Variants in SDK2 observed in about 807,000 individuals in gnomAD.
SDK2 encodes the protein protein sidekick-2.
SDK2 carries 105 observed loss-of-function variants against 253.9 expected under a neutral mutation model. The observed-to-expected ratio is 0.41, with a 90% CI of 0.35 to 0.49. SDK2 has a LOEUF of 0.49. SDK2 is among the 20% of genes least tolerant of loss of function. SDK2 has a pLI of 0.06. For missense variants in SDK2, 2,608 were observed against 3,003.0 expected (o/e 0.87, Z 3.07); for synonymous variants, 1,249 against 1,234.9 (o/e 1.01, Z -0.24).
At chr17:73,412,114 ATGTATACGTATATATGTGTATG>A (rs770403103) in intron 18 of SDK2, among the ~76,000 whole-genome samples, 23,732 of 100,116 alleles carry the variant, frequency 0.24, 2,977 homozygotes, top group African/African-American at 0.32. Context: ...ATACGTATAT[ATGTATACGTATATATGTGTATG>A]TGTATATGTA....
intron 15 of SDK2, among the ~76,000 whole-genome samples, chr17:73,421,087 C>T (rs2063225953): frequency 6.6e-6 from 1 of 152,242 alleles, no homozygotes; most frequent in Non-Finnish European, 1.5e-5. Flanking sequence ...ACACTTTCAG[C>T]CTCTCTGTTG....
At chr17:73,440,745 G>A in intron 6 of SDK2, 67 bp downstream of exon 6, 2 of 1,185,722 alleles carry the variant, frequency 1.7e-6, no homozygotes, top group Non-Finnish European at 2.5e-6. Flanking sequence ...GCTCTCCCTG[G>A]AGCCCGCAGT....
intron 24 of SDK2, 50 bp downstream of exon 24, chr17:73,397,985 G>A (rs1410192097): frequency 6.3e-7 from 1 of 1,593,280 alleles, no homozygotes; most frequent in Non-Finnish European, 8.5e-7. Flanking sequence ...AGGAGGCAAT[G>A]ACCAGAAGCT....
chr17:73,401,906 G>GC, intron 19 of SDK2, 40 bp downstream of exon 19: 1 of 1,478,424 alleles, frequency 6.8e-7, no homozygotes, highest in Non-Finnish European at 9.2e-7. Context: ...CTGGCCTTGG[G>GC]CGGGGGGGGG....
At chr17:73,501,657 G>A (rs1379748829) in intron 2 of SDK2, among the ~76,000 whole-genome samples, 2 of 152,174 alleles carry the variant, frequency 1.3e-5, no homozygotes, top group Non-Finnish European at 2.9e-5. Flanking sequence ...GGTGTACAGA[G>A]CCCCAGGTGG....
chr17:73,519,567 A>G (rs1599643291), intron 1 of SDK2: 1 of 79,578 alleles, frequency 1.3e-5, no homozygotes, highest in Non-Finnish European at 2.7e-5. Context: ...TGAGCAGCGC[A>G]TGTTTACCCA....
At chr17:73,460,471 T>C (rs2063556348) in intron 3 of SDK2, among the ~76,000 whole-genome samples, 1 of 152,222 alleles carries the variant, frequency 6.6e-6, no homozygotes. Context: ...CAGTATACCA[T>C]TATGTTTTGG....
chr17:73,424,548 G>A lies in SDK2; in HGVS notation c.1584-456C>T, dbSNP rs369020708. Among the ~76,000 whole-genome samples the A allele has an allele frequency of 1.2e-4, 18 of 152,324 alleles. No homozygotes were observed. In the East Asian group the frequency reaches 3.5e-3, roughly 29 times the overall value. ...ATCAGTGTGACAAATTGACTATAGT[G>A]TCCAAAAAAATCCCTTTAGCTTCGG... is the stretch of plus-strand genomic sequence containing the variant. On this transcript the variant is annotated intron_variant, in intron 12 of 44. Coordinates refer to ENST00000392650, the MANE Select transcript of SDK2 (RefSeq NM_001144952.2).
rs769043748 is a variant in SDK2, at chr17:73,398,376, A to C, written c.3147T>G (p.Asn1049Lys). 3.7e-6 allele frequency: 6 copies of C among 1,613,940 alleles called. No homozygotes were observed. The highest frequency in any genetic ancestry group is 5.1e-6 in the Non-Finnish European group (6 of 1,179,852). ...CCTCCATGGAGCGGGCATCGGGCTC[A>C]TTGGAGAGCTGGTGGATCAGCAACC... is the stretch of plus-strand genomic sequence containing the variant. ...EEWLLIHQLS[N>K]EPDARSMEVP... The change falls in exon 23 of 45, where the codon AAT (asparagine) becomes AAG (lysine). Residue 1049 changes from asparagine to lysine, a missense_variant. By Grantham distance (94) the Asn-to-Lys change is moderately conservative. This residue lies in a region of SDK2 where 1,505 missense variants were observed against 1,859.1 expected (regional missense o/e 0.81). Coordinates refer to ENST00000392650, the MANE Select transcript of SDK2 (RefSeq NM_001144952.2).
chr17:73,435,370 G>A lies in SDK2; in HGVS notation c.1195+80C>T. ...TTAATGGAACGTGCTATGCACAAGA[G>A]GCCCCTCGGAAGACCTTGGAAGAAA... On this transcript the variant is annotated intron_variant, in intron 9 of 44. Coordinates refer to ENST00000392650, the MANE Select transcript of SDK2 (RefSeq NM_001144952.2). The surrounding 1 kb of genome is among the most constrained non-coding windows in gnomAD (Gnocchi z 5.7). 6 of 1,363,996 alleles carry A rather than the reference G, an allele frequency of 4.4e-6. No homozygotes were observed. Among genetic ancestry groups the A allele is most frequent in the South Asian group, 1.4e-5 (1 of 69,926 alleles). 84.5% of individuals were successfully genotyped at this position (1,363,996 alleles called of 1,614,324 possible). A position where few individuals can be genotyped will look rare whatever the true frequency, so the allele number is the denominator to read the frequency against.
Position 73,387,826 on chromosome 17 carries a change from C to T in SDK2, c.4394+10G>A, listed in dbSNP as rs201624486. ...GGCAGTGGGGATGCTGGCATGGACC[C>T]GAGCCTTACCTGTCCACAATGAAGC... On this transcript the variant is annotated intron_variant, in intron 30 of 44. Transcript: ENST00000392650. 1.8e-4 allele frequency: 274 copies of T among 1,547,280 alleles called. No homozygotes were observed. Among genetic ancestry groups the T allele is most frequent in the Admixed American group, 3.0e-4 (16 of 53,048 alleles).
chr17:73,576,383 G>C (rs761367271), intron 1 of SDK2, among the ~76,000 whole-genome samples: 3 of 152,178 alleles, frequency 2.0e-5, no homozygotes, highest in Non-Finnish European at 4.4e-5. Flanking sequence ...TCCCAAGGAT[G>C]GGAAGGACAT....
intron 1 of SDK2, among the ~76,000 whole-genome samples, chr17:73,631,386 C>T (rs998615360): frequency 1.5e-4 from 23 of 152,174 alleles, no homozygotes; most frequent in African/African-American, 3.6e-4. Context: ...GCACACTGCC[C>T]GTGGGGAAGA....
intron 1 of SDK2, among the ~76,000 whole-genome samples, chr17:73,564,739 C>T (rs1403800826): frequency 5.3e-5 from 8 of 151,878 alleles, no homozygotes; most frequent in African/African-American, 1.2e-4. Context: ...GCAGGAGGAT[C>T]GCTTGAACCT....
At chr17:73,387,788 C>T (rs1483481361) in intron 30 of SDK2, 48 bp downstream of exon 30, 5 of 1,479,534 alleles carry the variant, frequency 3.4e-6, no homozygotes, top group East Asian at 5.0e-5. Flanking sequence ...CCGCTGGTCC[C>T]GGCGGGGAGA....
intron 40 of SDK2, among the ~76,000 whole-genome samples, chr17:73,353,860 C>T (rs1369409411): frequency 4.0e-5 from 6 of 151,824 alleles, no homozygotes; most frequent in South Asian, 2.1e-4. Context: ...TACTCCACCA[C>T]GCCCAGCTAA....
In SDK2 at chr17:73,379,690, G is replaced by C. The variant is rs2062814939; in HGVS notation, c.4763-141C>G. The C allele has an allele frequency of 1.6e-6, 1 of 612,580 alleles. No individual in the cohort carries two copies. The highest frequency in any genetic ancestry group is 2.9e-6 in the Non-Finnish European group (1 of 346,058). The allele number at this position is 612,580 out of a possible 1,614,324, so 37.9% of individuals were successfully genotyped here. On this transcript the variant is annotated intron_variant, in intron 34 of 44. Transcript: ENST00000392650. The surrounding 1 kb of genome is among the most constrained non-coding windows in gnomAD (Gnocchi z 4.5). ...GCCCCCTCTGTGAAGGTGCATGAAG[G>C]AGGAGGTGAGAGGCGGGGCCCCCAG...
At chr17:73,527,802 C>T (rs1944675821) in intron 1 of SDK2, among the ~76,000 whole-genome samples, 1 of 152,186 alleles carries the variant, frequency 6.6e-6, no homozygotes, top group Non-Finnish European at 1.5e-5. Context: ...CTTTGGTGGA[C>T]TTCGTTTTCT....
chr17:73,506,677 T>C (rs993251064), intron 2 of SDK2, among the ~76,000 whole-genome samples: 3 of 152,188 alleles, frequency 2.0e-5, no homozygotes, highest in Non-Finnish European at 4.4e-5. Flanking sequence ...GCCACAGGGT[T>C]GGAGCCAATA....
Sources: gnomAD v4.1 joint callset for allele counts (sites outside exome capture counted in the v4.1 genomes callset) on GRCh38, gnomAD v4.1.1 for gene constraint, gnomAD v4.1.1 regional missense constraint, Gnocchi (gnomAD v3.1) non-coding constraint, MANE v1.5 for transcripts, NCBI Gene and HGNC (gene_info 2026-07-23, HGNC 2026-07-21) for gene names.